PRIMA1: variants seen among roughly 807,000 people sequenced by gnomAD.
PRIMA1 encodes proline-rich membrane anchor 1.
A neutral mutation model predicts 17.5 loss-of-function variants in PRIMA1; 7 were observed. The observed-to-expected ratio is 0.40, with a 90% CI of 0.23 to 0.75. PRIMA1 has a LOEUF of 0.75. Ranked by LOEUF, PRIMA1 falls within the 30% of genes least tolerant of loss-of-function variation. The probability of loss-of-function intolerance (pLI) is 0.37; values close to 1 mark genes in which losing one functional copy is unlikely to be tolerated. For synonymous variants in PRIMA1, 97 were observed against 77.9 expected, an observed-to-expected ratio of 1.25 and a Z score of -1.29; for missense variants, 200 against 201.8, an observed-to-expected ratio of 0.99 and a Z score of 0.05.
intron 3 of PRIMA1, among the ~76,000 whole-genome samples, chr14:93,766,937 G>T (rs1473214409): frequency 6.6e-6 from 1 of 152,218 alleles, no homozygotes; most frequent in Non-Finnish European, 1.5e-5. Context: ...TCTACCCAGT[G>T]CATGAGACAC....
At position 93,787,747 on chromosome 14, in the gene PRIMA1, G is replaced by A; in HGVS notation, c.-29C>T. 3 of 1,539,812 alleles carry A rather than the reference G, an allele frequency of 1.9e-6. No homozygotes were observed. The highest frequency in any genetic ancestry group is 2.6e-6 in the Non-Finnish European group (3 of 1,146,014). Reference sequence around the variant, plus strand: ...GGCCAGCGGCGCCCGCTCCTGGGGCGAACTGTCAGGAGAGCAAGGCTAGGG... The same window carrying A: ...GGCCAGCGGCGCCCGCTCCTGGGGCAAACTGTCAGGAGAGCAAGGCTAGGG... On this transcript the variant is annotated splice_region_variant and 5_prime_UTR_variant, in exon 2 of 5. Transcript: ENST00000393140.
chr14:93,772,626 A>T (rs1413920016), intron 3 of PRIMA1, among the ~76,000 whole-genome samples: 1 of 152,250 alleles, frequency 6.6e-6, no homozygotes, highest in East Asian at 1.9e-4. Flanking sequence ...GCCAGGGTTC[A>T]TGCCCACCCA....
intron 3 of PRIMA1, among the ~76,000 whole-genome samples, chr14:93,744,497 C>A (rs934361708): frequency 6.6e-6 from 1 of 152,212 alleles, no homozygotes; most frequent in African/African-American, 2.4e-5. Context: ...CTCCTCACCC[C>A]GAAGGCAACC....
chr14:93,768,985 T>A (rs931450345), intron 3 of PRIMA1, among the ~76,000 whole-genome samples: 8 of 22,830 alleles, frequency 3.5e-4, no homozygotes, highest in Admixed American at 2.9e-3. Context: ...ATCACTTTTT[T>A]AAAAGGCCAG....
At chr14:93,786,567 G>C (rs1277875623) in intron 2 of PRIMA1, among the ~76,000 whole-genome samples, 1 of 152,076 alleles carries the variant, frequency 6.6e-6, no homozygotes, top group Non-Finnish European at 1.5e-5. Flanking sequence ...TACTAGTACA[G>C]AGCAACCATG....
chr14:93,730,601 A>C (rs1185369997), intron 4 of PRIMA1, among the ~76,000 whole-genome samples: 1 of 152,156 alleles, frequency 6.6e-6, no homozygotes, highest in African/African-American at 2.4e-5. Context: ...ATGAAGGTTC[A>C]TTCTGGCTCA....
chr14:93,738,656 TATG>T (rs2076166123), intron 3 of PRIMA1, among the ~76,000 whole-genome samples: 1 of 152,202 alleles, frequency 6.6e-6, no homozygotes, highest in East Asian at 1.9e-4. Flanking sequence ...GCTTCATTAT[TATG>T]ATTTTTATCA....
intron 4 of PRIMA1, among the ~76,000 whole-genome samples, chr14:93,725,227 G>A (rs1430074878): frequency 1.3e-5 from 2 of 151,246 alleles, no homozygotes; most frequent in Non-Finnish European, 2.9e-5. Flanking sequence ...GGCACCTGTG[G>A]CAGGTAAGGG....
chr14:93,766,261 G>A (rs1004114810), intron 3 of PRIMA1, among the ~76,000 whole-genome samples: 35 of 152,196 alleles, frequency 2.3e-4, no homozygotes, highest in Non-Finnish European at 4.1e-4. Context: ...TATTGTGCTT[G>A]GGTAACAGCA....
intron 3 of PRIMA1, among the ~76,000 whole-genome samples, chr14:93,769,457 G>T (rs1884988872): frequency 6.6e-6 from 1 of 152,186 alleles, no homozygotes; most frequent in Non-Finnish European, 1.5e-5. Context: ...ACACCCCGAG[G>T]CCGGAATCAA....
At chr14:93,753,027 A>C (rs2076270239) in intron 3 of PRIMA1, among the ~76,000 whole-genome samples, 1 of 152,078 alleles carries the variant, frequency 6.6e-6, no homozygotes, top group African/African-American at 2.4e-5. Flanking sequence ...AGCTGCGATG[A>C]CCAGATGTCC....
intron 3 of PRIMA1, among the ~76,000 whole-genome samples, chr14:93,741,763 A>G (rs1395625300): frequency 6.6e-6 from 1 of 152,146 alleles, no homozygotes; most frequent in African/African-American, 2.4e-5. Context: ...GGCTGAGACA[A>G]TCAGAGAGTG....
chr14:93,753,218 G>A (rs1296577186), intron 3 of PRIMA1, among the ~76,000 whole-genome samples: 1 of 152,186 alleles, frequency 6.6e-6, no homozygotes, highest in Non-Finnish European at 1.5e-5. Flanking sequence ...CCTTCCAGCT[G>A]GGACATTCTG....
chr14:93,759,488 C>T (rs1003752775), intron 3 of PRIMA1, among the ~76,000 whole-genome samples: 7 of 152,044 alleles, frequency 4.6e-5, no homozygotes, highest in South Asian at 2.1e-4. Flanking sequence ...TATGTGTGTG[C>T]GCGTGCATGT....
At chr14:93,741,674 T>A (rs892081842) in intron 3 of PRIMA1, among the ~76,000 whole-genome samples, 1 of 152,204 alleles carries the variant, frequency 6.6e-6, no homozygotes, top group Non-Finnish European at 1.5e-5. Context: ...GAGGCACGCA[T>A]GAATTGCTAA....
chr14:93,722,729 TGGTTGGGTTAACA>T (rs2076049419), intron 4 of PRIMA1, among the ~76,000 whole-genome samples: 4 of 1,392 alleles, frequency 2.9e-3, no homozygotes, highest in South Asian at 0.017. Flanking sequence ...ATGGTTGTGA[TGGTTGGGTTAACA>T]GTGGTGGTGA....
intron 2 of PRIMA1, among the ~76,000 whole-genome samples, chr14:93,781,822 T>C (rs1885383480): frequency 1.4e-5 from 2 of 139,218 alleles, no homozygotes; most frequent in African/African-American, 2.7e-5. Flanking sequence ...AAAAAAAAAA[T>C]ACAAAAATTA....
chr14:93,766,909 ATCT>A (rs2141184113), intron 3 of PRIMA1, among the ~76,000 whole-genome samples: 1 of 152,360 alleles, frequency 6.6e-6, no homozygotes, highest in African/African-American at 2.4e-5. Context: ...TAAGGACCAT[ATCT>A]TCTTTATTTT....
At chr14:93,779,794 T>C (rs1427404556) in intron 2 of PRIMA1, among the ~76,000 whole-genome samples, 1 of 152,230 alleles carries the variant, frequency 6.6e-6, no homozygotes, top group South Asian at 2.1e-4. Flanking sequence ...GGCCTTGTCA[T>C]GTCTACTCTG....
Sources: gnomAD v4.1 joint callset for allele counts (sites outside exome capture counted in the v4.1 genomes callset) on GRCh38, gnomAD v4.1.1 for gene constraint, MANE v1.5 for transcripts, NCBI Gene and HGNC (gene_info 2026-07-23, HGNC 2026-07-21) for gene names.